Variants in TAFA4 observed in about 807,000 individuals in gnomAD.
TAFA4 encodes TAFA chemokine like family member 4.
In TAFA4, 20 loss-of-function variants were observed where a neutral mutation model predicts 21.1. The ratio of observed to expected loss-of-function variants is 0.95; its 90% CI spans 0.67 to 1.38. TAFA4 has a LOEUF of 1.38. Ranked by LOEUF, TAFA4 falls within the 40% of genes most tolerant of loss-of-function variation. The pLI, the probability that TAFA4 is intolerant of heterozygous loss-of-function variation, is 0.00. For synonymous variants in TAFA4, 71 were observed against 67.4 expected, an observed-to-expected ratio of 1.05 and a Z score of -0.26; for missense variants, 211 against 180.9, an observed-to-expected ratio of 1.17 and a Z score of -0.95.
chr3:68,737,995 A>AAACAAAGC (rs759529843), intron 5 of TAFA4, among the ~76,000 whole-genome samples: 18 of 152,206 alleles, frequency 1.2e-4, no homozygotes, highest in Non-Finnish European at 2.4e-4. Context: ...GGGAAAGCAA[A>AAACAAAGC]AACAAAGCCA....
At chr3:68,811,439 G>A (rs1046965007) in intron 3 of TAFA4, among the ~76,000 whole-genome samples, 5 of 152,256 alleles carry the variant, frequency 3.3e-5, no homozygotes, top group Middle Eastern at 3.4e-3. Flanking sequence ...AAAATTAGAA[G>A]AATGGATAAC....
chr3:68,883,201 T>C (rs2089636410), intron 2 of TAFA4: 1 of 152,314 alleles, frequency 6.6e-6, no homozygotes, highest in African/African-American at 2.4e-5. Context: ...GAAGGATCAC[T>C]TCCAAGTGCT....
intron 3 of TAFA4, among the ~76,000 whole-genome samples, chr3:68,847,014 G>A (rs1013245890): frequency 1.3e-5 from 2 of 152,218 alleles, no homozygotes; most frequent in African/African-American, 4.8e-5. Context: ...AGTTGAGGAG[G>A]CAGTCTGTTC....
chr3:68,892,226 T>G (rs1267847231), intron 1 of TAFA4, among the ~76,000 whole-genome samples: 3 of 152,188 alleles, frequency 2.0e-5, no homozygotes, highest in Admixed American at 2.0e-4. Flanking sequence ...TGTCATAAAT[T>G]GCTTTTTATT....
intron 3 of TAFA4, among the ~76,000 whole-genome samples, chr3:68,753,942 T>A (rs974085463): frequency 6.6e-6 from 1 of 152,216 alleles, no homozygotes; most frequent in Non-Finnish European, 1.5e-5. Flanking sequence ...CAGGCAGTGC[T>A]AGACTTCTGA....
intron 3 of TAFA4, among the ~76,000 whole-genome samples, chr3:68,781,696 A>G (rs1373230674): frequency 6.6e-6 from 1 of 152,142 alleles, no homozygotes; most frequent in Non-Finnish European, 1.5e-5. Context: ...AAGAAGAATT[A>G]ATATAAATTC....
At chr3:68,837,774 T>C in intron 3 of TAFA4, among the ~76,000 whole-genome samples, 1 of 152,226 alleles carries the variant, frequency 6.6e-6, no homozygotes, top group East Asian at 1.9e-4. Context: ...GTTTTTCTTT[T>C]GGATATATAA....
At chr3:68,823,651 T>A (rs928515289) in intron 3 of TAFA4, among the ~76,000 whole-genome samples, 7 of 152,146 alleles carry the variant, frequency 4.6e-5, no homozygotes, top group Non-Finnish European at 1.5e-5. Flanking sequence ...CCTCCCTGTG[T>A]CCATGTGTTC....
At chr3:68,800,043 C>A (rs150772438) in intron 3 of TAFA4, among the ~76,000 whole-genome samples, 295 of 152,142 alleles carry the variant, frequency 1.9e-3, no homozygotes, top group African/African-American at 6.6e-3. Flanking sequence ...CCCATTGCCC[C>A]CAAATGGGAC....
At chr3:68,876,185 T>A (rs1252830750) in intron 3 of TAFA4, among the ~76,000 whole-genome samples, 1 of 152,158 alleles carries the variant, frequency 6.6e-6, no homozygotes, top group Admixed American at 6.5e-5. Context: ...TTGAATATAT[T>A]GGGTTAAATA....
intron 3 of TAFA4, among the ~76,000 whole-genome samples, chr3:68,759,664 C>A (rs967869316): frequency 6.6e-6 from 1 of 152,084 alleles, no homozygotes; most frequent in Non-Finnish European, 1.5e-5. Flanking sequence ...TAACATGAGG[C>A]CCCTGCAATA....
chr3:68,759,327 C>T (rs1056278542), intron 3 of TAFA4, among the ~76,000 whole-genome samples: 1 of 152,138 alleles, frequency 6.6e-6, no homozygotes, highest in African/African-American at 2.4e-5. Flanking sequence ...ATAATTTTTA[C>T]CAAGTATCTG....
intron 3 of TAFA4, among the ~76,000 whole-genome samples, chr3:68,857,018 G>T (rs984700618): frequency 5.9e-5 from 9 of 152,080 alleles, no homozygotes; most frequent in African/African-American, 1.9e-4. Flanking sequence ...CAGGGTAGAG[G>T]ATTTGACCCA....
intron 3 of TAFA4, among the ~76,000 whole-genome samples, chr3:68,850,188 G>A (rs1286476928): frequency 6.6e-6 from 1 of 152,132 alleles, no homozygotes; most frequent in Non-Finnish European, 1.5e-5. Flanking sequence ...CTCAGGGGTA[G>A]GTATCATACA....
chr3:68,785,919 T>A (rs1195860869), intron 3 of TAFA4, among the ~76,000 whole-genome samples: 1 of 152,266 alleles, frequency 6.6e-6, no homozygotes, highest in African/African-American at 2.4e-5. Flanking sequence ...TCTAGACATT[T>A]GTTCTACAGA....
intron 3 of TAFA4, among the ~76,000 whole-genome samples, chr3:68,761,033 A>G (rs1702747400): frequency 6.6e-6 from 1 of 152,210 alleles, no homozygotes; most frequent in African/African-American, 2.4e-5. Context: ...AAGTGGATTT[A>G]TCGTTACCTG....
At position 68,925,203 on chromosome 3, in the gene TAFA4, CTGTGTGTGCG is replaced by C. The variant is rs559043165; in HGVS notation, c.-123+7027_-123+7036del. On this transcript the variant is annotated intron_variant, in intron 1 of 5. Transcript: ENST00000295569. The stretch of plus-strand genomic sequence containing the variant: ...TTTTGATTTGGGTCCATGGATATCT[CTGTGTGTGCG>C]TGTGTGTGAGTGTGTGTTGAGAAGG... Among the ~76,000 whole-genome samples the C allele has an allele frequency of 2.5e-3, 382 of 152,096 alleles. 3 individuals are homozygous for C. The highest frequency in any genetic ancestry group is 8.8e-3 in the African/African-American group (365 of 41,488).
intron 3 of TAFA4, among the ~76,000 whole-genome samples, chr3:68,815,475 C>T (rs1575621352): frequency 6.6e-6 from 1 of 152,134 alleles, no homozygotes. Context: ...AAGAAAAAAA[C>T]AAACAACCCC....
At position 68,836,866 on chromosome 3, in the gene TAFA4, C is replaced by G. The variant is rs149738528; in HGVS notation, c.130+43864G>C. 2.1e-3 allele frequency among the ~76,000 whole-genome samples: 327 copies of G among 152,260 alleles called. 5 individuals are homozygous for G. The highest frequency in any genetic ancestry group is 7.5e-3 in the African/African-American group (311 of 41,558). ...TCCCAGATCTTTAGTTTTGTGTATT[C>G]TCCTAGGATTTGAATGAATGAAATA... On this transcript the variant is annotated intron_variant, in intron 3 of 5. Transcript: ENST00000295569.
Sources: allele counts gnomAD v4.1 joint callset (sites outside exome capture counted in the v4.1 genomes callset), GRCh38; gene constraint gnomAD v4.1.1; transcripts MANE v1.5; gene names NCBI Gene and HGNC (gene_info 2026-07-23, HGNC 2026-07-21).